DCBLD1: variants seen among roughly 807,000 people sequenced by gnomAD.
The protein encoded by DCBLD1 is discoidin, CUB and LCCL domain-containing protein 1.
Under a neutral mutation model 71.5 loss-of-function variants are expected in DCBLD1, and 57 were observed. The observed-to-expected ratio is 0.80, with a 90% confidence interval of 0.64 to 0.99. The LOEUF (loss-of-function observed/expected upper bound fraction) is 0.99, where lower values mean the gene tolerates loss of function less well. Among genes scored for constraint, DCBLD1 ranks in the 50% least tolerant of loss-of-function variants. The probability of loss-of-function intolerance (pLI) is 0.00; values close to 1 mark genes in which losing one functional copy is unlikely to be tolerated. For missense variants in DCBLD1, 891 were observed against 923.5 expected, an observed-to-expected ratio of 0.96 and a Z score of 0.46; for synonymous variants, 380 against 363.8, an observed-to-expected ratio of 1.04 and a Z score of -0.51.
chr6:117,510,920 A>T (rs1413949398), intron 2 of DCBLD1, among the ~76,000 whole-genome samples: 1 of 152,236 alleles, frequency 6.6e-6, no homozygotes, highest in Non-Finnish European at 1.5e-5. Context: ...CCTTAGCGTT[A>T]CTACCTCATT....
rs773829795 is a variant in DCBLD1 at position 117,497,012 on chromosome 6, A to C, written c.113-6755A>C. ...TTGAGGTTTCTGTCTTACTCTAAGG[A>C]CTAGTTAATAATCAATCTAAAAAGT... On this transcript the variant is annotated intron_variant, in intron 1 of 14. Coordinates refer to ENST00000338728, the MANE Select transcript of DCBLD1 (RefSeq NM_001366458.2). Among the ~76,000 whole-genome samples, 61 of 152,270 alleles carry C rather than the reference A, an allele frequency of 4.0e-4. 1 individual carries two copies. Among genetic ancestry groups the C allele is most frequent in the Middle Eastern group, 3.4e-3 (1 of 294 alleles).
intron 2 of DCBLD1, among the ~76,000 whole-genome samples, chr6:117,504,937 T>C (rs1455829282): frequency 6.6e-6 from 1 of 152,208 alleles, no homozygotes; most frequent in Non-Finnish European, 1.5e-5. Flanking sequence ...ACACACAGCT[T>C]TCTCACCTGT....
At position 117,540,787 on chromosome 6, in the gene DCBLD1, G is replaced by A. The variant is rs1037167776; in HGVS notation, c.1221G>A (p.Val407=). Residue 407 remains valine, a synonymous_variant, in exon 10 of 15, where the codon GTG becomes GTA. Coordinates refer to ENST00000338728, the MANE Select transcript of DCBLD1 (RefSeq NM_001366458.2). ...QTWHQRIALK[V]ELIGCQITQG... ...GGCACCAGAGGATAGCCTTGAAGGT[G>A]GAGCTCATTGGTTGCCAGATTACAC... is the stretch of plus-strand genomic sequence containing the variant. The A allele has an allele frequency of 6.2e-7, 1 of 1,614,124 alleles. No homozygotes were observed. The highest frequency in any genetic ancestry group is 1.3e-5 in the African/African-American group (1 of 74,942).
Position 117,549,680 on chromosome 6 carries a change from G to C in DCBLD1, c.*1241G>C. The C allele has an allele frequency of 2.0e-6, 2 of 985,398 alleles. No individual in the cohort carries two copies. Among genetic ancestry groups the C allele is most frequent in the Non-Finnish European group, 2.4e-6 (2 of 829,946 alleles). The allele number at this position is 985,398 out of a possible 1,614,324, so 61.0% of individuals were successfully genotyped here. ...AATGTATATATGTTAAAATAATGGGGGTGCTGGAAGGTCATGGCAGACTAG... is the reference window on the plus strand; with the variant it reads ...AATGTATATATGTTAAAATAATGGGCGTGCTGGAAGGTCATGGCAGACTAG... On this transcript the variant is annotated 3_prime_UTR_variant, in exon 15 of 15. Coordinates refer to ENST00000338728, the MANE Select transcript of DCBLD1 (RefSeq NM_001366458.2).
chr6:117,509,714 A>G (rs1204893670), intron 2 of DCBLD1, among the ~76,000 whole-genome samples: 1 of 151,594 alleles, frequency 6.6e-6, no homozygotes, highest in Non-Finnish European at 1.5e-5. Flanking sequence ...TACCCTGAGC[A>G]CTCTCTGTTC....
chr6:117,538,771 T>A lies in DCBLD1; in HGVS notation c.912T>A (p.Ser304Arg). Residue 304 changes from serine to arginine, a missense_variant, in exon 8 of 15, where the codon AGT (serine) becomes AGA (arginine). By Grantham distance (110) the Ser-to-Arg change is moderately radical. Transcript: ENST00000338728. ...DQGPSWASGDSSNNHKPREWL... is the reference protein window; with the variant it reads ...DQGPSWASGDRSNNHKPREWL... ...GCCCATCATGGGCTTCGGGCGACAG[T>A]AGCAACAACCACAAACCACGAGAGT... 6.2e-7 allele frequency: 1 copy of A among 1,614,102 alleles called. No individual in the cohort carries two copies. The highest frequency in any genetic ancestry group is 8.5e-7 in the Non-Finnish European group (1 of 1,180,012).
At chr6:117,498,394 C>T (rs1166911016) in intron 1 of DCBLD1, among the ~76,000 whole-genome samples, 1 of 152,120 alleles carries the variant, frequency 6.6e-6, no homozygotes, top group Admixed American at 6.5e-5. Flanking sequence ...TGTGCTTTGG[C>T]AAGAAATTAC....
At position 117,549,512 on chromosome 6, in the gene DCBLD1, T is replaced by G; in HGVS notation, c.*1073T>G. The G allele has an allele frequency of 1.0e-6, 1 of 985,374 alleles. No homozygotes were observed. The highest frequency in any genetic ancestry group is 4.7e-5 in the South Asian group (1 of 21,278). 61.0% of individuals were successfully genotyped at this position (985,374 alleles called of 1,614,324 possible). ...CTCAGTAGTTTTTATTTGAGTTTCT[T>G]TTGTGAGTTAACTATGGGAGATTTA... On this transcript the variant is annotated 3_prime_UTR_variant, in exon 15 of 15. Transcript: ENST00000338728.
chr6:117,537,074 A>G lies in DCBLD1; in HGVS notation c.720-111A>G. The G allele has an allele frequency of 2.0e-5, 20 of 1,008,888 alleles. No individual in the cohort carries two copies. The South Asian group carries it at 2.7e-4, about 14-fold the overall frequency. 62.5% of individuals were successfully genotyped at this position (1,008,888 alleles called of 1,614,324 possible). On this transcript the variant is annotated intron_variant, in intron 6 of 14. Coordinates refer to ENST00000338728, the MANE Select transcript of DCBLD1 (RefSeq NM_001366458.2). ...GGTTTGCAGGGGTGTTGTGAGGATC[A>G]TGTAAGGAAGCACAGGTGGGAAAGT...
At chr6:117,511,170 C>A (rs1458210208) in intron 2 of DCBLD1, among the ~76,000 whole-genome samples, 1 of 152,134 alleles carries the variant, frequency 6.6e-6, no homozygotes, top group African/African-American at 2.4e-5. Flanking sequence ...CATAAGAAGA[C>A]CTGAGGTGTA....
intron 14 of DCBLD1, among the ~76,000 whole-genome samples, chr6:117,568,196 G>A (rs765307870): frequency 7.2e-5 from 11 of 151,818 alleles, no homozygotes; most frequent in Admixed American, 2.0e-4. Context: ...TGAGATCCTG[G>A]CTCCAAAAAA....
chr6:117,519,432 G>A (rs757075784), intron 2 of DCBLD1, among the ~76,000 whole-genome samples: 24 of 152,144 alleles, frequency 1.6e-4, no homozygotes, highest in Admixed American at 5.2e-4. Flanking sequence ...AAACTTCCCC[G>A]AAAAAATGAT....
rs192884685 is a variant in DCBLD1, at chr6:117,558,420, A to G, written c.1616-11200A>G. 2.3e-3 allele frequency among the ~76,000 whole-genome samples: 344 copies of G among 152,340 alleles called. 1 individual carries two copies. The highest frequency in any genetic ancestry group is 6.4e-3 in the Admixed American group (98 of 15,302). ...ACCCTCCTGGAGAGTTCCCCTCTCC[A>G]TAAGCTGGATTTTTTCCAATTTAAT... On this transcript the variant is annotated intron_variant, in intron 14 of 14. Transcript: ENST00000296955.
chr6:117,559,848 G>C (rs1332532843), intron 14 of DCBLD1, among the ~76,000 whole-genome samples: 1 of 151,932 alleles, frequency 6.6e-6, no homozygotes, highest in African/African-American at 2.4e-5. Context: ...TGTATTCTGG[G>C]GAAAAGACTT....
At chr6:117,549,955 C>G (rs1779398303), downstream of DCBLD1, among the ~76,000 whole-genome samples, 1 of 152,198 alleles carries the variant, frequency 6.6e-6, no homozygotes, top group Admixed American at 6.5e-5. Flanking sequence ...AGTCTGGCTG[C>G]TTCTATAATG....
chr6:117,562,157 A>G (rs1033201313), intron 14 of DCBLD1: 1 of 207,366 alleles, frequency 4.8e-6, no homozygotes, highest in Admixed American at 5.9e-5. Context: ...CAGACCTAAC[A>G]AATTTATAAA....
intron 13 of DCBLD1, among the ~76,000 whole-genome samples, chr6:117,545,130 C>A (rs544464857): frequency 6.6e-6 from 1 of 151,962 alleles, no homozygotes; most frequent in African/African-American, 2.4e-5. Flanking sequence ...GAGACTCCAC[C>A]TCCCCAGGGT....
intron 1 of DCBLD1, among the ~76,000 whole-genome samples, chr6:117,499,002 A>G (rs2114404744): frequency 6.6e-6 from 1 of 152,304 alleles, no homozygotes; most frequent in East Asian, 1.9e-4. Context: ...AATCTAAAAT[A>G]AACACTTTTT....
chr6:117,569,071 G>A (rs1779755321), intron 14 of DCBLD1, among the ~76,000 whole-genome samples: 2 of 152,286 alleles, frequency 1.3e-5, no homozygotes, highest in South Asian at 4.1e-4. Flanking sequence ...GCAACTTTGA[G>A]TAAATCCTTT....
Sources: allele counts gnomAD v4.1 joint callset (sites outside exome capture counted in the v4.1 genomes callset), GRCh38; gene constraint gnomAD v4.1.1; transcripts MANE v1.5; gene names NCBI Gene and HGNC (gene_info 2026-07-23, HGNC 2026-07-21).